The following GULP1 variants were observed in gnomAD, a reference collection of about 807,000 sequenced individuals.
GULP1 encodes the protein PTB domain-containing engulfment adapter protein 1.
GULP1 carries 19 observed loss-of-function variants against 40.9 expected under a neutral mutation model. That is an observed-to-expected ratio of 0.46 (90% CI 0.32 to 0.68). The LOEUF (loss-of-function observed/expected upper bound fraction) is 0.68, where lower values mean the gene tolerates loss of function less well. GULP1 is among the 30% of genes least tolerant of loss of function. GULP1 has a pLI of 0.03. For synonymous variants in GULP1, 119 were observed against 117.6 expected, an observed-to-expected ratio of 1.01 and a Z score of -0.08; for missense variants, 312 against 362.2, an observed-to-expected ratio of 0.86 and a Z score of 1.12.
At chr2:188,480,797 T>G (rs1312525317) in intron 3 of GULP1, among the ~76,000 whole-genome samples, 1 of 151,886 alleles carries the variant, frequency 6.6e-6, no homozygotes, top group Non-Finnish European at 1.5e-5. Flanking sequence ...GATTAAGTAA[T>G]TCAACTAGTT....
intron 7 of GULP1, among the ~76,000 whole-genome samples, chr2:188,547,102 G>A (rs1267654685): frequency 1.3e-5 from 2 of 151,014 alleles, no homozygotes; most frequent in East Asian, 2.0e-4. Flanking sequence ...TTTCACTGGA[G>A]AATTCTATAA....
In GULP1 at chr2:188,329,819, G is replaced by C. The variant is rs141683403; in HGVS notation, c.-172+37653G>C. Among the ~76,000 whole-genome samples, 134 of 152,168 alleles carry C rather than the reference G, an allele frequency of 8.8e-4. 4 individuals carry two copies. The East Asian group carries it at 0.02, about 23-fold the overall frequency. On this transcript the variant is annotated intron_variant, in intron 1 of 11. Transcript: ENST00000409830. ...TTCGTGATGTATTTTGGCAAGATGG[G>C]GACAGGATTTGCTGATGGATATAGG...
chr2:188,307,335 G>T (rs2037267103), intron 1 of GULP1, among the ~76,000 whole-genome samples: 1 of 151,992 alleles, frequency 6.6e-6, no homozygotes, highest in Non-Finnish European at 1.5e-5. Context: ...ATTAATTTCT[G>T]TTTTGACATA....
chr2:188,464,473 G>T (rs926489039), intron 2 of GULP1, among the ~76,000 whole-genome samples: 7 of 152,164 alleles, frequency 4.6e-5, no homozygotes, highest in Non-Finnish European at 1.0e-4. Flanking sequence ...CACAGCACTG[G>T]TTCTCACCTA....
intron 7 of GULP1, among the ~76,000 whole-genome samples, chr2:188,561,534 A>C (rs1240391241): frequency 6.6e-6 from 1 of 152,120 alleles, no homozygotes; most frequent in Non-Finnish European, 1.5e-5. Context: ...CAAGTGCCCA[A>C]TGTGGTGGAT....
intron 9 of GULP1, among the ~76,000 whole-genome samples, chr2:188,577,758 A>T (rs1163741956): frequency 6.6e-6 from 1 of 152,110 alleles, no homozygotes; most frequent in African/African-American, 2.4e-5. Flanking sequence ...GAAAAAACAC[A>T]GATCTTCTGC....
At chr2:188,556,440 TTTGTTTTTCTGATTTCTTTTTA>T (rs1272962458) in intron 7 of GULP1, among the ~76,000 whole-genome samples, 1 of 152,162 alleles carries the variant, frequency 6.6e-6, no homozygotes, top group Non-Finnish European at 1.5e-5. Flanking sequence ...CATATACTGA[TTTGTTTTTCTGATTTCTTTTTA>T]TTGTTTTTCA....
intron 5 of GULP1, among the ~76,000 whole-genome samples, chr2:188,524,768 A>G (rs1232802013): frequency 6.6e-6 from 1 of 151,578 alleles, no homozygotes; most frequent in Non-Finnish European, 1.5e-5. Context: ...TTGCTCTTTG[A>G]TCATACTTAC....
intron 2 of GULP1, chr2:188,384,161 G>A (rs1441403262): frequency 6.6e-6 from 1 of 151,984 alleles, no homozygotes; most frequent in Non-Finnish European, 1.5e-5. Context: ...ATATTTAGTT[G>A]ATTTTCATGC....
chr2:188,453,339 G>A (rs1055692781), intron 2 of GULP1, among the ~76,000 whole-genome samples: 45 of 152,002 alleles, frequency 3.0e-4, no homozygotes, highest in African/African-American at 1.1e-3. Flanking sequence ...TTAGTGTTCT[G>A]TAAAAGTGTT....
chr2:188,448,897 C>T (rs955464213), intron 2 of GULP1, among the ~76,000 whole-genome samples: 23 of 152,156 alleles, frequency 1.5e-4, no homozygotes, highest in Non-Finnish European at 1.2e-4. Context: ...ATGCAACATG[C>T]CTGCTCCTGT....
At chr2:188,529,633 A>C (rs1687056748) in intron 6 of GULP1, among the ~76,000 whole-genome samples, 1 of 152,160 alleles carries the variant, frequency 6.6e-6, no homozygotes, top group Non-Finnish European at 1.5e-5. Flanking sequence ...GGGTGGCTTA[A>C]ACAGCAGAAA....
intron 6 of GULP1, among the ~76,000 whole-genome samples, chr2:188,531,295 A>G (rs187821900): frequency 6.6e-6 from 1 of 152,338 alleles, no homozygotes; most frequent in Non-Finnish European, 1.5e-5. Flanking sequence ...CTCATTTTCA[A>G]ATTGTAGCTT....
intron 1 of GULP1, among the ~76,000 whole-genome samples, chr2:188,373,503 A>G (rs2047889503): frequency 6.6e-6 from 1 of 151,942 alleles, no homozygotes; most frequent in African/African-American, 2.4e-5. Context: ...GGTTGGATTT[A>G]CTTTTCCAGT....
intron 6 of GULP1, among the ~76,000 whole-genome samples, chr2:188,538,427 G>A (rs1299486017): frequency 2.6e-5 from 4 of 151,908 alleles, no homozygotes; most frequent in Admixed American, 2.0e-4. Flanking sequence ...TACCAAACCT[G>A]GGGAGCAATC....
At position 188,477,721 on chromosome 2, in the gene GULP1, A is replaced by G; in HGVS notation, c.19A>G (p.Arg7Gly). Residue 7 changes from arginine to glycine, a missense_variant, in exon 3 of 12, where the codon AGG (arginine) becomes GGG (glycine). By Grantham distance (125) the Arg-to-Gly change is moderately radical. Transcript: ENST00000409830. MNRAFS[R>G]KKDKTWMHTP... ...CCTCATCATGAACCGTGCTTTTAGC[A>G]GGAAGAAAGGTAAGTGTGGTCATTT... The G allele has an allele frequency of 1.2e-6, 2 of 1,602,500 alleles. No individual in the cohort carries two copies. Among genetic ancestry groups the G allele is most frequent in the Non-Finnish European group, 8.5e-7 (1 of 1,174,348 alleles).
intron 11 of GULP1, chr2:188,588,924 A>G (rs1702959070): frequency 6.6e-6 from 1 of 152,134 alleles, no homozygotes; most frequent in African/African-American, 2.4e-5. Context: ...TAGGTAGTAC[A>G]TGAATTCATT....
In GULP1 at chr2:188,393,607, T is replaced by G. The variant is rs114180813; in HGVS notation, c.-45+9718T>G. Reference sequence around the variant, plus strand: ...ATTGAGATGTGAAGTACCGTTCCAGTTATTATGTTGATCATTACCTAGATA... The same window carrying G: ...ATTGAGATGTGAAGTACCGTTCCAGGTATTATGTTGATCATTACCTAGATA... On this transcript the variant is annotated intron_variant, in intron 2 of 11. Coordinates refer to ENST00000409830, the MANE Select transcript of GULP1 (RefSeq NM_016315.4). Among the ~76,000 whole-genome samples the G allele has an allele frequency of 5.1e-3, 783 of 152,252 alleles. 6 individuals are homozygous for G. Among genetic ancestry groups the G allele is most frequent in the African/African-American group, 0.018 (752 of 41,558 alleles).
intron 4 of GULP1, among the ~76,000 whole-genome samples, chr2:188,510,649 C>T (rs922452335): frequency 6.6e-6 from 1 of 151,656 alleles, no homozygotes. Flanking sequence ...CTTAAAAGAC[C>T]CTCACAAAGA....
Sources: gnomAD v4.1 joint callset for allele counts (sites outside exome capture counted in the v4.1 genomes callset) on GRCh38, gnomAD v4.1.1 for gene constraint, MANE v1.5 for transcripts, NCBI Gene and HGNC (gene_info 2026-07-23, HGNC 2026-07-21) for gene names.